FAM193A: variants seen among roughly 807,000 people sequenced by gnomAD.
FAM193A encodes the protein family with sequence similarity 193 member A, also known as protein FAM193A.
Under a neutral mutation model 126.5 loss-of-function variants are expected in FAM193A, and 22 were observed. The ratio of observed to expected loss-of-function variants is 0.17; its 90% CI spans 0.12 to 0.25. FAM193A has a LOEUF of 0.25. Ranked by LOEUF, FAM193A falls within the 10% of genes least tolerant of loss-of-function variation. The probability of loss-of-function intolerance (pLI) is 1.00; values close to 1 mark genes in which losing one functional copy is unlikely to be tolerated. For synonymous variants in FAM193A, 761 were observed against 646.8 expected, an observed-to-expected ratio of 1.18 and a Z score of -2.68; for missense variants, 1,675 against 1,672.8, an observed-to-expected ratio of 1.00 and a Z score of -0.02.
At chr4:2,600,905 A>G (rs535457689) in intron 2 of FAM193A, among the ~76,000 whole-genome samples, 7 of 152,134 alleles carry the variant, frequency 4.6e-5, no homozygotes, top group African/African-American at 9.7e-5. Context: ...TTGTGGTTCA[A>G]TTTCTTTAAT....
At chr4:2,675,700 G>C (rs183375432) in intron 13 of FAM193A, among the ~76,000 whole-genome samples, 1 of 152,234 alleles carries the variant, frequency 6.6e-6, no homozygotes, top group East Asian at 1.9e-4. Flanking sequence ...GAATTCAGTG[G>C]TATTAAATAC....
At chr4:2,637,928 C>A (rs1020814949) in intron 5 of FAM193A, among the ~76,000 whole-genome samples, 6 of 152,244 alleles carry the variant, frequency 3.9e-5, no homozygotes, top group African/African-American at 1.4e-4. Context: ...ATCTGTTTGT[C>A]TTGCATGCCT....
intron 5 of FAM193A, among the ~76,000 whole-genome samples, chr4:2,633,276 G>A (rs1479051521): frequency 2.6e-5 from 4 of 151,686 alleles, no homozygotes; most frequent in African/African-American, 9.7e-5. Context: ...GCGGGCGCCT[G>A]TAGTCCCAGC....
At chr4:2,614,940 T>C (rs1432672347) in intron 2 of FAM193A, among the ~76,000 whole-genome samples, 1 of 152,242 alleles carries the variant, frequency 6.6e-6, no homozygotes, top group Non-Finnish European at 1.5e-5. Flanking sequence ...GCTTCCCTCC[T>C]CTTTTTATTC....
intron 2 of FAM193A, among the ~76,000 whole-genome samples, chr4:2,602,237 C>T (rs775621839): frequency 2.0e-5 from 3 of 151,840 alleles, no homozygotes; most frequent in East Asian, 1.9e-4. Context: ...TTTAGAGGCC[C>T]GAAAGAGAAC....
At chr4:2,551,043 G>A (rs1282402378) in intron 1 of FAM193A, among the ~76,000 whole-genome samples, 3 of 151,984 alleles carry the variant, frequency 2.0e-5, no homozygotes, top group African/African-American at 7.3e-5. Context: ...CTCGTGATCC[G>A]CCTGCCTTGG....
intron 1 of FAM193A, among the ~76,000 whole-genome samples, chr4:2,537,770 A>G (rs1323096930): frequency 6.6e-6 from 1 of 152,164 alleles, no homozygotes. Flanking sequence ...CCTGACAGCC[A>G]CCTGGAGCTG....
At chr4:2,589,802 A>G (rs1740418485) in intron 1 of FAM193A, among the ~76,000 whole-genome samples, 1 of 152,242 alleles carries the variant, frequency 6.6e-6, no homozygotes, top group Non-Finnish European at 1.5e-5. Flanking sequence ...GTGACTACAC[A>G]TAACAGTGTT....
intron 1 of FAM193A, among the ~76,000 whole-genome samples, chr4:2,540,152 C>T (rs114615031): frequency 0.011 from 1,725 of 150,626 alleles, 20 homozygotes; most frequent in Non-Finnish European, 0.02. Flanking sequence ...CTTGTTGACA[C>T]GGTGAGACCT....
chr4:2,588,050 G>A (rs1292533945), intron 1 of FAM193A, among the ~76,000 whole-genome samples: 1 of 152,188 alleles, frequency 6.6e-6, no homozygotes, highest in Admixed American at 6.5e-5. Flanking sequence ...CTACTGCCAA[G>A]TGCTTTTCCA....
chr4:2,696,184 CTT>C, intron 17 of FAM193A, 177 bp from the exon 18 acceptor site: 1 of 551,522 alleles, frequency 1.8e-6, no homozygotes. Context: ...CAAAATGCCA[CTT>C]TTGGGTGACT....
intron 2 of FAM193A, among the ~76,000 whole-genome samples, chr4:2,600,232 G>C (rs1488778841): frequency 6.6e-6 from 1 of 152,130 alleles, no homozygotes; most frequent in Admixed American, 6.5e-5. Flanking sequence ...ATCCCTATCA[G>C]TCCATGGATT....
At chr4:2,690,546 G>A in intron 14 of FAM193A, 152 bp from the exon 15 acceptor site, 1 of 690,824 alleles carries the variant, frequency 1.4e-6, no homozygotes, top group Non-Finnish European at 2.4e-6. Context: ...TTTTTTCTTA[G>A]ATTAAAAGCT....
intron 19 of FAM193A, among the ~76,000 whole-genome samples, chr4:2,700,790 GTC>G (rs1435354081): frequency 2.1e-5 from 3 of 145,466 alleles, no homozygotes; most frequent in Non-Finnish European, 4.5e-5. Flanking sequence ...CTGAAACCCT[GTC>G]TCTACTAAAA....
At chr4:2,655,082 A>G (rs1711525218) in intron 7 of FAM193A, 1 of 701,016 alleles carries the variant, frequency 1.4e-6, no homozygotes, top group Non-Finnish European at 2.6e-6. Flanking sequence ...TGTGAATAAG[A>G]GCATTGATAC....
At position 2,631,629 on chromosome 4, in the gene FAM193A, A is replaced by C. The variant is rs535107397; in HGVS notation, c.1038+460A>C. ...ACCGCCCAGTGGCGTTCATTCATTC[A>C]TGCAGGCATGCATGCACTCAGCAAG... On this transcript the variant is annotated intron_variant, in intron 5 of 20. Transcript: ENST00000637812. 3.3e-5 allele frequency among the ~76,000 whole-genome samples: 5 copies of C among 152,352 alleles called. No individual in the cohort carries two copies. The South Asian group carries it at 1.0e-3, about 32-fold the overall frequency.
At chr4:2,567,378 A>G (rs576476317) in intron 1 of FAM193A, among the ~76,000 whole-genome samples, 1 of 152,308 alleles carries the variant, frequency 6.6e-6, no homozygotes, top group East Asian at 1.9e-4. Context: ...CGCTATATGT[A>G]TCTTTGAGTG....
intron 7 of FAM193A, among the ~76,000 whole-genome samples, chr4:2,656,102 A>G (rs1711648689): frequency 6.6e-6 from 1 of 152,002 alleles, no homozygotes; most frequent in South Asian, 2.1e-4. Flanking sequence ...TTTTATATCT[A>G]TATTCTGAGG....
At chr4:2,677,741 CAAAA>C (rs36047465) in intron 13 of FAM193A, among the ~76,000 whole-genome samples, 1 of 89,458 alleles carries the variant, frequency 1.1e-5, no homozygotes. Flanking sequence ...AACACTGTCT[CAAAA>C]AAAAAAAAAA....
Sources: gnomAD v4.1 joint callset for allele counts (sites outside exome capture counted in the v4.1 genomes callset) on GRCh38, gnomAD v4.1.1 for gene constraint, MANE v1.5 for transcripts, NCBI Gene and HGNC (gene_info 2026-07-23, HGNC 2026-07-21) for gene names.